Variants in SLCO1B3 observed in about 807,000 individuals in gnomAD.
SLCO1B3 encodes the protein solute carrier organic anion transporter family member 1B3.
Under a neutral mutation model 71.8 loss-of-function variants are expected in SLCO1B3, and 72 were observed. The observed-to-expected ratio is 1.00, with a 90% CI of 0.83 to 1.22. The LOEUF is 1.22. SLCO1B3 is among the 50% of genes most tolerant of loss of function. SLCO1B3 has a pLI of 0.00. For synonymous variants in SLCO1B3, 298 were observed against 278.4 expected, an observed-to-expected ratio of 1.07 and a Z score of -0.70; for missense variants, 911 against 819.7, an observed-to-expected ratio of 1.11 and a Z score of -1.36.
chr12:20,839,739 T>C (rs1209277327), intron 3 of SLCO1B3, among the ~76,000 whole-genome samples: 1 of 152,142 alleles, frequency 6.6e-6, no homozygotes, highest in Non-Finnish European at 1.5e-5. Flanking sequence ...TATTATTGTT[T>C]CAAATATTTA....
chr12:20,827,384 G>C (rs1189814443), intron 3 of SLCO1B3, among the ~76,000 whole-genome samples: 1 of 152,072 alleles, frequency 6.6e-6, no homozygotes, highest in Non-Finnish European at 1.5e-5. Flanking sequence ...CTGTTTTTCT[G>C]ATAAAGTATT....
In SLCO1B3 at chr12:20,879,499, T is replaced by G. The variant is rs1160880932; in HGVS notation, c.1199T>G (p.Phe400Cys). The change falls in exon 11 of 16, where the codon TTC becomes TGC. Residue 400 changes from phenylalanine (F) to cysteine (C), a missense_variant. Physicochemically the swap from Phe to Cys is radical, Grantham distance 205. Transcript: ENST00000381545. ...MFLGGFIIKK[F>C]KLSLVGIAKF... ...TTAGGAGGATTTATCATTAAAAAAT[T>G]CAAATTGTCTTTAGTTGGAATTGCC... 6.2e-7 allele frequency: 1 copy of G among 1,611,706 alleles called. No individual in the cohort carries two copies. The highest frequency in any genetic ancestry group is 8.5e-7 in the Non-Finnish European group (1 of 1,178,004).
chr12:20,855,658 CT>C (rs35056493), intron 4 of SLCO1B3, among the ~76,000 whole-genome samples: 102,968 of 143,484 alleles, frequency 0.72, 38,934 homozygotes, highest in South Asian at 0.9. Context: ...GGTTTAAAGT[CT>C]TTTTTTTTTT....
intron 3 of SLCO1B3, among the ~76,000 whole-genome samples, chr12:20,820,513 T>G (rs1189603181): frequency 6.6e-6 from 1 of 152,102 alleles, no homozygotes; most frequent in African/African-American, 2.4e-5. Context: ...GCCACTGAGG[T>G]TCAGGCGTTT....
At chr12:20,852,771 A>C (rs1298239497) in intron 3 of SLCO1B3, among the ~76,000 whole-genome samples, 1 of 152,102 alleles carries the variant, frequency 6.6e-6, no homozygotes, top group African/African-American at 2.4e-5. Flanking sequence ...TTAATTTTGA[A>C]TGTTGATTTG....
chr12:20,899,630 C>G (rs989948934), intron 14 of SLCO1B3, among the ~76,000 whole-genome samples: 1 of 152,142 alleles, frequency 6.6e-6, no homozygotes, highest in Non-Finnish European at 1.5e-5. Context: ...AATCTTCCAG[C>G]CTCTGTAATC....
chr12:20,876,582 G>A (rs1865584013), intron 9 of SLCO1B3, among the ~76,000 whole-genome samples: 1 of 152,032 alleles, frequency 6.6e-6, no homozygotes, highest in South Asian at 2.1e-4. Context: ...TCATGAGAGT[G>A]GATTGCTCAA....
chr12:20,851,154 A>G (rs1865020183), intron 3 of SLCO1B3, among the ~76,000 whole-genome samples: 1 of 152,126 alleles, frequency 6.6e-6, no homozygotes, highest in African/African-American at 2.4e-5. Flanking sequence ...TCTCTTCAAG[A>G]TCCCAGTTTG....
In SLCO1B3 at chr12:20,856,732, G is replaced by A. The variant is rs940685067; in HGVS notation, c.226+1563G>A. On this transcript the variant is annotated intron_variant, in intron 4 of 15. Transcript: ENST00000381545. ...GTGCCACCACATCCGGCTAATTTTC[G>A]TATTTTTAAGTGGAGACAGGTTTTC... Among the ~76,000 whole-genome samples the A allele has an allele frequency of 9.9e-5, 15 of 152,194 alleles. No homozygotes were observed. In the East Asian group the frequency reaches 1.4e-3, roughly 14 times the overall value.
Position 20,883,505 on chromosome 12 carries a change from A to T in SLCO1B3, c.1585A>T (p.Thr529Ser), listed in dbSNP as rs760009998. 1 of 1,604,892 alleles carries T rather than the reference A, an allele frequency of 6.2e-7. No homozygotes were observed. Among genetic ancestry groups the T allele is most frequent in the Non-Finnish European group, 8.5e-7 (1 of 1,175,642 alleles). ...CTTGGGTGAATGCCCAAGAGATAAT[A>T]CTTGTACAAGGAAATTTTTCATCTA... Reference protein sequence around the residue: ...AHLGECPRDNTCTRKFFIYVA... With the variant: ...AHLGECPRDNSCTRKFFIYVA... Residue 529 changes from threonine (T) to serine (S), a missense_variant, in exon 13 of 16, where the codon ACT (threonine) becomes TCT (serine). By Grantham distance (58) the Thr-to-Ser change is moderately conservative. Transcript: ENST00000381545.
intron 11 of SLCO1B3, 23 bp downstream of exon 11, chr12:20,879,654 A>T (rs766185542): frequency 1.4e-6 from 2 of 1,447,344 alleles, no homozygotes; most frequent in South Asian, 2.5e-5. Flanking sequence ...TGCTATATAA[A>T]TTGTGTAATA....
intron 3 of SLCO1B3, among the ~76,000 whole-genome samples, chr12:20,841,580 A>G (rs944333928): frequency 6.6e-6 from 1 of 152,020 alleles, no homozygotes; most frequent in Non-Finnish European, 1.5e-5. Context: ...TTTCTTTTCA[A>G]CTTTTATTTT....
rs763796201 is a variant in SLCO1B3, at chr12:20,858,501, A to G, written c.289A>G (p.Ile97Val). 3 of 1,598,416 alleles carry G rather than the reference A, an allele frequency of 1.9e-6. No individual in the cohort carries two copies. Among genetic ancestry groups the G allele is most frequent in the Non-Finnish European group, 2.6e-6 (3 of 1,165,816 alleles). Residue 97 changes from isoleucine to valine, a missense_variant, in exon 5 of 16, where the codon ATT becomes GTT. Ile to Val is a conservative substitution (Grantham distance 29, BLOSUM62 3). Coordinates refer to ENST00000381545, the MANE Select transcript of SLCO1B3 (RefSeq NM_019844.4). Reference sequence around the variant, plus strand: ...ATCTAAACTACACAGACCGAAGTTAATTGGAATTGGTTGTCTCCTTATGGG... The same window carrying G: ...ATCTAAACTACACAGACCGAAGTTAGTTGGAATTGGTTGTCTCCTTATGGG... ...FGSKLHRPKL[I>V]GIGCLLMGTG...
chr12:20,892,768 A>G (rs1046520574), intron 13 of SLCO1B3, among the ~76,000 whole-genome samples: 1 of 152,216 alleles, frequency 6.6e-6, no homozygotes, highest in Non-Finnish European at 1.5e-5. Context: ...ACATACTGAC[A>G]GGGAAAATGG....
In SLCO1B3 at chr12:20,835,689, C is replaced by T. The variant is rs1181134981; in HGVS notation, c.85-19339C>T. On this transcript the variant is annotated intron_variant, in intron 3 of 15. Transcript: ENST00000381545. ...TTTTGATAAAAGCCATTCAACAAGT[C>T]TCTTGGAAGTACCAAACTTTCCCAC... Among the ~76,000 whole-genome samples the T allele has an allele frequency of 2.0e-5, 3 of 152,296 alleles. No individual in the cohort carries two copies. In the East Asian group the frequency reaches 5.8e-4, roughly 29 times the overall value.
intron 1 of SLCO1B3, among the ~76,000 whole-genome samples, chr12:20,812,159 G>C (rs142473159): frequency 6.6e-6 from 1 of 151,844 alleles, no homozygotes; most frequent in Non-Finnish European, 1.5e-5. Flanking sequence ...TGCCCGCCTC[G>C]GCCTCCCAAA....
chr12:20,891,248 G>T (rs1359931234), intron 13 of SLCO1B3, among the ~76,000 whole-genome samples: 1 of 151,906 alleles, frequency 6.6e-6, no homozygotes, highest in Non-Finnish European at 1.5e-5. Context: ...GCTTATTTGG[G>T]AAGTACTACT....
chr12:20,811,813 C>T (rs1423720003), intron 1 of SLCO1B3, among the ~76,000 whole-genome samples: 1 of 151,440 alleles, frequency 6.6e-6, no homozygotes. Flanking sequence ...CTAAATAAGG[C>T]TTAAAATGCC....
intron 13 of SLCO1B3, 70 bp from the exon 14 acceptor site, chr12:20,898,366 A>G: frequency 2.2e-6 from 2 of 929,024 alleles, no homozygotes; most frequent in South Asian, 2.7e-5. Flanking sequence ...ATGCTGATAA[A>G]TGTTTTGATA....
Sources: allele counts gnomAD v4.1 joint callset (sites outside exome capture counted in the v4.1 genomes callset), GRCh38; gene constraint gnomAD v4.1.1; transcripts MANE v1.5; gene names NCBI Gene and HGNC (gene_info 2026-07-23, HGNC 2026-07-21).